GGT7: variants seen among roughly 807,000 people sequenced by gnomAD.
GGT7 encodes glutathione hydrolase 7.
Under a neutral mutation model 69.2 loss-of-function variants are expected in GGT7, and 30 were observed. The observed-to-expected ratio is 0.43, with a 90% CI of 0.32 to 0.59. The LOEUF (loss-of-function observed/expected upper bound fraction) is 0.59, where lower values mean the gene tolerates loss of function less well. Among genes scored for constraint, GGT7 ranks in the 20% least tolerant of loss-of-function variants. GGT7 has a pLI of 0.05. For missense variants in GGT7, 733 were observed against 901.1 expected, an observed-to-expected ratio of 0.81 and a Z score of 2.39; for synonymous variants, 388 against 391.8, an observed-to-expected ratio of 0.99 and a Z score of 0.12.
rs545758806 is a variant in GGT7, at chr20:34,871,518, A to C, written c.169+1129T>G. ...TGACATTTGACGCCCATAAACCTCTAAACTCCATCTTCATTATCTCCTCAC... is the reference window on the plus strand; with the variant it reads ...TGACATTTGACGCCCATAAACCTCTCAACTCCATCTTCATTATCTCCTCAC... On this transcript the variant is annotated intron_variant, in intron 1 of 14. Coordinates refer to ENST00000336431, the MANE Select transcript of GGT7 (RefSeq NM_178026.3). 7.9e-5 allele frequency among the ~76,000 whole-genome samples: 12 copies of C among 152,300 alleles called. No homozygotes were observed. The South Asian group carries it at 2.5e-3, about 32-fold the overall frequency.
At chr20:34,857,581 C>A (rs1173857883) in intron 7 of GGT7, among the ~76,000 whole-genome samples, 1 of 151,520 alleles carries the variant, frequency 6.6e-6, no homozygotes, top group Non-Finnish European at 1.5e-5. Flanking sequence ...ACTTGAAACC[C>A]TTGAGTTATC....
chr20:34,857,623 T>C (rs2079516241), intron 7 of GGT7, among the ~76,000 whole-genome samples: 1 of 150,222 alleles, frequency 6.7e-6, no homozygotes, highest in Admixed American at 6.6e-5. Context: ...TGATTTTTTT[T>C]TTTTTTTTTT....
chr20:34,854,743 T>C, intron 9 of GGT7, 53 bp downstream of exon 9: 1 of 1,610,578 alleles, frequency 6.2e-7, no homozygotes, highest in Admixed American at 1.7e-5. Flanking sequence ...GTACCCAATC[T>C]CCCCACTCCT....
At chr20:34,868,037 A>G (rs2146930445) in intron 1 of GGT7, among the ~76,000 whole-genome samples, 1 of 152,256 alleles carries the variant, frequency 6.6e-6, no homozygotes, top group South Asian at 2.1e-4. Flanking sequence ...TAATTTTTGT[A>G]TTTTTAGTAG....
At chr20:34,860,482 C>G (rs185866070) in intron 4 of GGT7, among the ~76,000 whole-genome samples, 161 bp from the exon 5 acceptor site, 1 of 152,162 alleles carries the variant, frequency 6.6e-6, no homozygotes, top group South Asian at 2.1e-4. Flanking sequence ...GCAGGCACCC[C>G]TCCCATCTCC....
intron 14 of GGT7, among the ~76,000 whole-genome samples, chr20:34,849,083 C>T (rs1445465291): frequency 6.6e-6 from 1 of 152,106 alleles, no homozygotes. Flanking sequence ...AAACCCACTC[C>T]TGCCCTGAGT....
intron 3 of GGT7, 106 bp from the exon 4 acceptor site, chr20:34,861,668 T>C: frequency 1.5e-6 from 1 of 655,222 alleles, no homozygotes; most frequent in Non-Finnish European, 2.4e-6. Flanking sequence ...GGCTCAGTTT[T>C]TCATTTGGGG....
At chr20:34,859,720 G>A in intron 6 of GGT7, 81 bp from the exon 7 acceptor site, 1 of 1,190,734 alleles carries the variant, frequency 8.4e-7, no homozygotes, top group African/African-American at 1.5e-5. Context: ...GGGGTAGATG[G>A]GGGCTGAGTG....
chr20:34,863,607 C>G lies in GGT7; in HGVS notation c.170-59G>C. On this transcript the variant is annotated intron_variant, in intron 1 of 14. Coordinates refer to ENST00000336431, the MANE Select transcript of GGT7 (RefSeq NM_178026.3). This position sits in a 1 kb window ranked among gnomAD's most constrained non-coding sequence, Gnocchi z 4.4. ...CTCCTATCTGGCCCTGCCCACCCTC[C>G]AGGTGGGACTATTCAGCGCTTTCCC... 1.4e-5 allele frequency: 16 copies of G among 1,127,730 alleles called. No individual in the cohort carries two copies. The highest frequency in any genetic ancestry group is 2.0e-5 in the Non-Finnish European group (15 of 761,354). The allele number at this position is 1,127,730 out of a possible 1,614,324, so 69.9% of individuals were successfully genotyped here. A position where few individuals can be genotyped will look rare whatever the true frequency, so the allele number is the denominator to read the frequency against.
At position 34,850,067 on chromosome 20, in the gene GGT7, T is replaced by C. The variant is rs2079364301; in HGVS notation, c.1726-7A>G. Reference sequence around the variant, plus strand: ...TCAGGACATTCAGCAGAACCTGTGGTAGCCAAGGTACAGAAAAATCAGGGC... The same window carrying C: ...TCAGGACATTCAGCAGAACCTGTGGCAGCCAAGGTACAGAAAAATCAGGGC... On this transcript the variant is annotated splice_polypyrimidine_tract_variant and splice_region_variant and intron_variant, in intron 13 of 14. Coordinates refer to ENST00000336431, the MANE Select transcript of GGT7 (RefSeq NM_178026.3). The C allele has an allele frequency of 3.1e-6, 5 of 1,601,652 alleles. No homozygotes were observed. Among genetic ancestry groups the C allele is most frequent in the Middle Eastern group, 1.7e-4 (1 of 6,058 alleles).
chr20:34,861,347 A>T, intron 4 of GGT7, 98 bp downstream of exon 4: 1 of 539,164 alleles, frequency 1.9e-6, no homozygotes, highest in Non-Finnish European at 3.3e-6. Flanking sequence ...TCTTTTTCCC[A>T]CTCCCCTGGT....
chr20:34,848,530 GA>G (rs2079335167), intron 14 of GGT7, among the ~76,000 whole-genome samples: 1 of 152,214 alleles, frequency 6.6e-6, no homozygotes, highest in Non-Finnish European at 1.5e-5. Context: ...GATATTTGTT[GA>G]ACAAAATTCA....
Position 34,862,850 on chromosome 20 carries a change from A to G in GGT7, c.521T>C (p.Leu174Ser). The part of the protein sequence containing the change: ...VDAAVAAALC[L>S]GIVAPHSSGL... ...AGAACTGTGTGGAGCCACGATACCC[A>G]AACACAAGGCTGCTGCCACCGCTGC... Residue 174 changes from leucine (L) to serine (S), a missense_variant, in exon 3 of 15, where the codon TTG becomes TCG. Coordinates refer to ENST00000336431, the MANE Select transcript of GGT7 (RefSeq NM_178026.3). 6.2e-7 allele frequency: 1 copy of G among 1,614,046 alleles called. No individual in the cohort carries two copies. The highest frequency in any genetic ancestry group is 8.5e-7 in the Non-Finnish European group (1 of 1,179,990).
chr20:34,863,054 T>C lies in GGT7; in HGVS notation c.406-89A>G, dbSNP rs1181748483. 1 of 1,329,318 alleles carries C rather than the reference T, an allele frequency of 7.5e-7. No homozygotes were observed. The highest frequency in any genetic ancestry group is 1.0e-6 in the Non-Finnish European group (1 of 964,366). The allele number at this position is 1,329,318 out of a possible 1,614,324, so 82.3% of individuals were successfully genotyped here. ...ACTAGCCCTAGAACTCTACGCGGCATGAAGGTCGAAGCCCTGCCCCCTTGT... is the reference window on the plus strand; with the variant it reads ...ACTAGCCCTAGAACTCTACGCGGCACGAAGGTCGAAGCCCTGCCCCCTTGT... On this transcript the variant is annotated intron_variant, in intron 2 of 14. Coordinates refer to ENST00000336431, the MANE Select transcript of GGT7 (RefSeq NM_178026.3). This position sits in a 1 kb window ranked among gnomAD's most constrained non-coding sequence, Gnocchi z 4.4.
At position 34,863,361 on chromosome 20, in the gene GGT7, G is replaced by A. The variant is rs751112343; in HGVS notation, c.357C>T (p.Thr119=). ...GCATGACCAGCGCCACGGTGACACC[G>A]GTAGCGAAGGTGAGACAGGCCGTGA... ...VIVTACLTFA[T]GVTVALVMQI... The change falls in exon 2 of 15, where the codon ACC becomes ACT. Residue 119 remains threonine, a synonymous_variant. Coordinates refer to ENST00000336431, the MANE Select transcript of GGT7 (RefSeq NM_178026.3). This position sits in a 1 kb window ranked among gnomAD's most constrained non-coding sequence, Gnocchi z 4.4. 8 of 1,613,838 alleles carry A rather than the reference G, an allele frequency of 5.0e-6. No individual in the cohort carries two copies. The highest frequency in any genetic ancestry group is 6.8e-6 in the Non-Finnish European group (8 of 1,179,974).
chr20:34,860,614 C>T (rs67260051), intron 4 of GGT7, among the ~76,000 whole-genome samples: 22,415 of 147,084 alleles, frequency 0.15, 1,892 homozygotes, highest in South Asian at 0.31. Context: ...CACCTGTCTA[C>T]ATTGGATTTC....
At chr20:34,855,789 C>CTCTGTGTGTGTGTG (rs543097272) in intron 8 of GGT7, among the ~76,000 whole-genome samples, 1 of 144,060 alleles carries the variant, frequency 6.9e-6, no homozygotes, top group African/African-American at 2.6e-5. Context: ...TTTTTCTTTT[C>CTCTGTGTGTGTGTG]TGTGTGTGTG....
chr20:34,845,247 C>T lies in GGT7; in HGVS notation c.*81G>A, dbSNP rs995800120. The T allele has an allele frequency of 5.0e-6, 7 of 1,393,420 alleles. No individual in the cohort carries two copies. In the African/African-American group the frequency reaches 1.0e-4, roughly 20 times the overall value. 86.3% of individuals were successfully genotyped at this position (1,393,420 alleles called of 1,614,324 possible). ...TGATCTGGGGCATCCCTGGGGTCCC[C>T]CTGAGACCAAACCTGGGAGAAGGAG... On this transcript the variant is annotated 3_prime_UTR_variant, in exon 15 of 15. Coordinates refer to ENST00000336431, the MANE Select transcript of GGT7 (RefSeq NM_178026.3).
intron 1 of GGT7, among the ~76,000 whole-genome samples, chr20:34,866,646 C>G (rs1167995433): frequency 6.6e-6 from 1 of 151,756 alleles, no homozygotes; most frequent in Non-Finnish European, 1.5e-5. Context: ...GTGGCGCAAT[C>G]TCGGCTCACT....
Sources: allele counts gnomAD v4.1 joint callset (sites outside exome capture counted in the v4.1 genomes callset), GRCh38; gene constraint gnomAD v4.1.1; non-coding constraint Gnocchi (gnomAD v3.1); transcripts MANE v1.5; gene names NCBI Gene and HGNC (gene_info 2026-07-23, HGNC 2026-07-21).